The following KATNAL1 variants were observed in gnomAD, a reference collection of about 807,000 sequenced individuals.
The protein encoded by KATNAL1 is katanin p60 ATPase-containing subunit A-like 1.
KATNAL1 carries 32 observed loss-of-function variants against 55.2 expected under a neutral mutation model. The ratio of observed to expected loss-of-function variants is 0.58; its 90% CI spans 0.44 to 0.78. The LOEUF is 0.78. Among genes scored for constraint, KATNAL1 ranks in the 30% least tolerant of loss-of-function variants. KATNAL1 has a pLI of 0.00. For synonymous variants in KATNAL1, 193 were observed against 193.6 expected (o/e 1.00, Z 0.02); for missense variants, 466 against 600.9 (o/e 0.78, Z 2.35).
At chr13:30,258,329 A>G (rs988327130) in intron 3 of KATNAL1, among the ~76,000 whole-genome samples, 6 of 152,338 alleles carry the variant, frequency 3.9e-5, no homozygotes, top group Admixed American at 2.6e-4. Context: ...TTAAATATCA[A>G]TATTATTTGT....
chr13:30,209,764 G>A (rs1296430713), intron 10 of KATNAL1, among the ~76,000 whole-genome samples: 3 of 152,114 alleles, frequency 2.0e-5, no homozygotes, highest in Non-Finnish European at 4.4e-5. Context: ...CATTATTATC[G>A]AGTTAGACAC....
chr13:30,303,670 T>TTTGTGACTGTC (rs1207506218), intron 1 of KATNAL1, among the ~76,000 whole-genome samples: 1 of 152,246 alleles, frequency 6.6e-6, no homozygotes, highest in African/African-American at 2.4e-5. Context: ...AGTCCAGACA[T>TTTGTGACTGTC]TAAATACTGT....
chr13:30,219,272 T>A (rs930247381), intron 9 of KATNAL1, among the ~76,000 whole-genome samples: 3 of 152,366 alleles, frequency 2.0e-5, no homozygotes, highest in East Asian at 1.9e-4. Context: ...GTTCAATCTC[T>A]TCCAGGCCTT....
chr13:30,270,108 G>T (rs1435132115), intron 3 of KATNAL1, among the ~76,000 whole-genome samples: 2 of 127,636 alleles, frequency 1.6e-5, no homozygotes, highest in Admixed American at 7.4e-5. Context: ...CAGCCGCCCC[G>T]TCCGGGAGGT....
intron 1 of KATNAL1, among the ~76,000 whole-genome samples, chr13:30,302,758 C>T (rs909241904): frequency 2.6e-5 from 4 of 152,144 alleles, no homozygotes; most frequent in African/African-American, 7.2e-5. Flanking sequence ...AATGTAACAT[C>T]CTTTGAGAGA....
intron 3 of KATNAL1, among the ~76,000 whole-genome samples, chr13:30,256,289 C>A (rs1463444921): frequency 6.6e-6 from 1 of 152,136 alleles, no homozygotes; most frequent in Non-Finnish European, 1.5e-5. Context: ...TGCAAAATAA[C>A]ATATTTTGTT....
chr13:30,293,209 T>C (rs559843752), intron 1 of KATNAL1, among the ~76,000 whole-genome samples: 2 of 152,304 alleles, frequency 1.3e-5, no homozygotes, highest in Non-Finnish European at 2.9e-5. Context: ...ATTTTCTTAG[T>C]TTTTCCCTCC....
At chr13:30,224,837 T>C (rs761020602) in intron 9 of KATNAL1, among the ~76,000 whole-genome samples, 1 of 152,208 alleles carries the variant, frequency 6.6e-6, no homozygotes. Context: ...ATAAGGTGTG[T>C]AGATTTGTAT....
chr13:30,271,296 G>A (rs1880335390), intron 3 of KATNAL1, among the ~76,000 whole-genome samples: 2 of 152,198 alleles, frequency 1.3e-5, no homozygotes, highest in African/African-American at 4.8e-5. Context: ...GGTAGGGCTA[G>A]GACAAGAACC....
chr13:30,280,252 AG>A, intron 2 of KATNAL1, 29 bp from the exon 3 acceptor site: 1 of 1,543,920 alleles, frequency 6.5e-7, no homozygotes, highest in Non-Finnish European at 8.7e-7. Flanking sequence ...GCTTTATGCT[AG>A]AAGCTGTTTA....
chr13:30,286,073 T>C (rs1593949876), intron 1 of KATNAL1, among the ~76,000 whole-genome samples: 1 of 152,316 alleles, frequency 6.6e-6, no homozygotes, highest in South Asian at 2.1e-4. Flanking sequence ...TTGGAATTTA[T>C]GTTTAAAAGG....
chr13:30,203,896 T>C lies in KATNAL1; in HGVS notation c.*4644A>G, dbSNP rs182429037. ...ATATTAAAAGCAAATGTCAAAAAAA[T>C]TTAAGTATGAAAAGCCTAATTTAAA... On this transcript the variant is annotated 3_prime_UTR_variant, in exon 11 of 11. Coordinates refer to ENST00000380615, the MANE Select transcript of KATNAL1 (RefSeq NM_032116.5). 6.7e-6 allele frequency: 1 copy of C among 150,352 alleles called. No homozygotes were observed. Among genetic ancestry groups the C allele is most frequent in the Non-Finnish European group, 1.5e-5 (1 of 67,964 alleles). The allele number at this position is 150,352 out of a possible 1,614,324, so 9.3% of individuals were successfully genotyped here. A position where few individuals can be genotyped will look rare whatever the true frequency, so the allele number is the denominator to read the frequency against.
chr13:30,299,523 C>A (rs773594269), intron 1 of KATNAL1, among the ~76,000 whole-genome samples: 2 of 151,996 alleles, frequency 1.3e-5, no homozygotes, highest in Non-Finnish European at 2.9e-5. Context: ...AGAAGCTATA[C>A]TAAAATTATT....
chr13:30,294,679 C>T (rs189121176), intron 1 of KATNAL1, among the ~76,000 whole-genome samples: 40 of 152,298 alleles, frequency 2.6e-4, no homozygotes, highest in Non-Finnish European at 5.4e-4. Context: ...TCAATGTAGA[C>T]AAAATAGCCT....
chr13:30,289,269 AATTG>A (rs1881987132), intron 1 of KATNAL1, among the ~76,000 whole-genome samples: 1 of 152,228 alleles, frequency 6.6e-6, no homozygotes. Context: ...TTGCCTTTTT[AATTG>A]ATTATTGATG....
intron 3 of KATNAL1, among the ~76,000 whole-genome samples, chr13:30,272,756 C>T (rs560264727): frequency 1.5e-4 from 23 of 151,880 alleles, no homozygotes; most frequent in Middle Eastern, 3.4e-3. Flanking sequence ...ATAATATAAA[C>T]GCTCGCCAGA....
intron 1 of KATNAL1, among the ~76,000 whole-genome samples, chr13:30,304,037 A>C (rs9508699): frequency 3.3e-5 from 5 of 152,344 alleles, no homozygotes; most frequent in African/African-American, 1.2e-4. Flanking sequence ...AACTGTTTCA[A>C]CTTCCCAAAA....
chr13:30,227,260 T>A (rs373977556), intron 9 of KATNAL1, 152 bp downstream of exon 9: 1 of 533,352 alleles, frequency 1.9e-6, no homozygotes, highest in Non-Finnish European at 3.2e-6. Flanking sequence ...GAAATTTCAA[T>A]AGAGTACTGT....
At position 30,293,289 on chromosome 13, in the gene KATNAL1, C is replaced by A. The variant is rs368715972; in HGVS notation, c.-14-9498G>T. ...TTCTCAACTTTATATTATAATCCTT[C>A]TTTAGAACTTTTTCCTTTTTTATTG... On this transcript the variant is annotated intron_variant, in intron 1 of 10. Coordinates refer to ENST00000380615, the MANE Select transcript of KATNAL1 (RefSeq NM_032116.5). Among the ~76,000 whole-genome samples the A allele has an allele frequency of 2.0e-5, 3 of 152,064 alleles. No homozygotes were observed. The East Asian group carries it at 5.8e-4, about 29-fold the overall frequency.
Sources: gnomAD v4.1 joint callset for allele counts (sites outside exome capture counted in the v4.1 genomes callset) on GRCh38, gnomAD v4.1.1 for gene constraint, MANE v1.5 for transcripts, NCBI Gene and HGNC (gene_info 2026-07-23, HGNC 2026-07-21) for gene names.